Variants in AVL9 observed in about 807,000 individuals in gnomAD.
AVL9 encodes AVL9 cell migration associated.
Under a neutral mutation model 79.2 loss-of-function variants are expected in AVL9, and 49 were observed. The observed-to-expected ratio is 0.62, with a 90% CI of 0.49 to 0.79. AVL9 has a LOEUF of 0.79. AVL9 is among the 30% of genes least tolerant of loss of function. The probability of loss-of-function intolerance (pLI) is 0.00; values close to 1 mark genes in which losing one functional copy is unlikely to be tolerated. For synonymous variants in AVL9, 299 were observed against 280.6 expected (o/e 1.07, Z -0.65); for missense variants, 682 against 776.8 (o/e 0.88, Z 1.45).
At chr7:32,500,504 T>C (rs1210837010) in intron 1 of AVL9, among the ~76,000 whole-genome samples, 2 of 152,168 alleles carry the variant, frequency 1.3e-5, no homozygotes, top group Non-Finnish European at 2.9e-5. Flanking sequence ...GATGGGTAGA[T>C]TGCAAAAATT....
At chr7:32,521,340 T>C (rs1268302071) in intron 1 of AVL9, among the ~76,000 whole-genome samples, 4 of 152,188 alleles carry the variant, frequency 2.6e-5, no homozygotes, top group Admixed American at 1.3e-4. Flanking sequence ...TTGCCCAAAA[T>C]ACTGATAACG....
Position 32,495,784 on chromosome 7 carries a change from C to T in AVL9, c.75C>T (p.His25=). The change falls in exon 1 of 16, where the codon CAC becomes CAT. Residue 25 remains histidine, a synonymous_variant. Coordinates refer to ENST00000318709, the MANE Select transcript of AVL9 (RefSeq NM_015060.3). ...TGCACATCGTGGTGGTCGGATTTCA[C>T]CACAAGAAGGGCTGCCAGGTGAGGA... The part of the protein sequence containing the change: ...PVLHIVVVGF[H]HKKGCQVEFS... 7.9e-7 allele frequency: 1 copy of T among 1,259,522 alleles called. No individual in the cohort carries two copies. The highest frequency in any genetic ancestry group is 1.0e-6 in the Non-Finnish European group (1 of 992,344). The allele number at this position is 1,259,522 out of a possible 1,614,324, so 78.0% of individuals were successfully genotyped here. A position where few individuals can be genotyped will look rare whatever the true frequency, so the allele number is the denominator to read the frequency against.
intron 8 of AVL9, among the ~76,000 whole-genome samples, chr7:32,555,559 A>G (rs1473277034): frequency 2.6e-5 from 4 of 152,214 alleles, no homozygotes; most frequent in Non-Finnish European, 4.4e-5. Flanking sequence ...ATAAAATTTT[A>G]TTGGAAATCA....
At chr7:32,530,347 CTCCAAAACAAATCTG>C (rs1788595386) in intron 1 of AVL9, among the ~76,000 whole-genome samples, 1 of 152,164 alleles carries the variant, frequency 6.6e-6, no homozygotes, top group African/African-American at 2.4e-5. Context: ...TAAAGTAGCT[CTCCAAAACAAATCTG>C]GTATTACTGG....
intron 1 of AVL9, among the ~76,000 whole-genome samples, chr7:32,502,184 GGA>G (rs1052314090): frequency 6.6e-6 from 1 of 151,814 alleles, no homozygotes; most frequent in Non-Finnish European, 1.5e-5. Context: ...GGCAACATAG[GGA>G]GACCTCATCT....
intron 1 of AVL9, among the ~76,000 whole-genome samples, chr7:32,525,871 T>C (rs1027813197): frequency 3.9e-5 from 6 of 152,176 alleles, no homozygotes; most frequent in African/African-American, 1.2e-4. Context: ...TAAAACTGTT[T>C]TTGGGGGGGA....
In AVL9 at chr7:32,558,543, A is replaced by G. The variant is rs1017302355; in HGVS notation, c.610-16A>G. On this transcript the variant is annotated splice_polypyrimidine_tract_variant and intron_variant, in intron 8 of 15. Transcript: ENST00000318709. Reference sequence around the variant, plus strand: ...TCATGGGTCTTCTAATTTGATTTTGATTGACTCCATTCCAGGTTCTTTTTT... The same window carrying G: ...TCATGGGTCTTCTAATTTGATTTTGGTTGACTCCATTCCAGGTTCTTTTTT... 1.3e-6 allele frequency: 2 copies of G among 1,590,994 alleles called. No individual in the cohort carries two copies. The highest frequency in any genetic ancestry group is 1.7e-6 in the Non-Finnish European group (2 of 1,165,668).
intron 1 of AVL9, among the ~76,000 whole-genome samples, chr7:32,514,740 C>G (rs1394804895): frequency 6.6e-6 from 1 of 152,176 alleles, no homozygotes; most frequent in African/African-American, 2.4e-5. Flanking sequence ...GTGACCCCCA[C>G]TCCTACCCGC....
intron 1 of AVL9, among the ~76,000 whole-genome samples, chr7:32,505,631 TA>T (rs1189825594): frequency 6.6e-6 from 1 of 152,194 alleles, no homozygotes; most frequent in African/African-American, 2.4e-5. Flanking sequence ...ATTTAATTAA[TA>T]TGATTTTCTT....
rs1464401461 is a variant in AVL9 at position 32,570,223 on chromosome 7, T to C, written c.1350+69T>C. The C allele has an allele frequency of 3.8e-6, 6 of 1,574,160 alleles. No individual in the cohort carries two copies. The Admixed American group carries it at 5.1e-5, about 13-fold the overall frequency. Reference sequence around the variant, plus strand: ...AGTTTTCCTTTCTTAACTACAATTATGAATACATAGTAACAACATTAGTAA... The same window carrying C: ...AGTTTTCCTTTCTTAACTACAATTACGAATACATAGTAACAACATTAGTAA... On this transcript the variant is annotated intron_variant, in intron 11 of 15. Coordinates refer to ENST00000318709, the MANE Select transcript of AVL9 (RefSeq NM_015060.3).
intron 2 of AVL9, among the ~76,000 whole-genome samples, chr7:32,543,797 A>G (rs986371506): frequency 5.3e-5 from 8 of 152,202 alleles, no homozygotes; most frequent in Admixed American, 2.0e-4. Context: ...TTACCACCCT[A>G]TAACTGAGTA....
chr7:32,544,671 A>G, intron 2 of AVL9, 23 bp from the exon 3 acceptor site: 1 of 1,555,808 alleles, frequency 6.4e-7, no homozygotes. Context: ...CTCACTATTT[A>G]CATTTTTCTA....
chr7:32,506,638 T>C (rs1387208656), intron 1 of AVL9, among the ~76,000 whole-genome samples: 1 of 151,948 alleles, frequency 6.6e-6, no homozygotes, highest in Non-Finnish European at 1.5e-5. Context: ...CTGGGCAAGG[T>C]GCAGTGGCTC....
intron 10 of AVL9, among the ~76,000 whole-genome samples, chr7:32,561,998 A>G (rs1051115333): frequency 1.3e-5 from 2 of 152,214 alleles, no homozygotes; most frequent in Admixed American, 6.5e-5. Context: ...TTTGCTGTCT[A>G]TGTGGGCGTG....
At chr7:32,563,503 A>G (rs1790417602) in intron 10 of AVL9, among the ~76,000 whole-genome samples, 1 of 150,068 alleles carries the variant, frequency 6.7e-6, no homozygotes, top group Non-Finnish European at 1.5e-5. Flanking sequence ...GTGGAGAACC[A>G]ACTGTATTTC....
At chr7:32,575,582 A>G (rs976568015) in intron 12 of AVL9, among the ~76,000 whole-genome samples, 3 of 152,204 alleles carry the variant, frequency 2.0e-5, no homozygotes, top group African/African-American at 7.2e-5. Context: ...TGTGCCATAC[A>G]TATCAATCAG....
At chr7:32,580,297 G>C (rs1791441344) in intron 14 of AVL9, 25 bp downstream of exon 14, 1 of 1,578,044 alleles carries the variant, frequency 6.3e-7, no homozygotes. Context: ...AAAATACTGG[G>C]AAAATTCTTA....
In AVL9 at chr7:32,579,511, AT is replaced by A. The variant is rs1488835745; in HGVS notation, c.1689-706del. 4.6e-3 allele frequency among the ~76,000 whole-genome samples: 46 copies of A among 10,002 alleles called. 8 individuals carry two copies. The highest frequency in any genetic ancestry group is 9.4e-3 in the African/African-American group (20 of 2,130). 6.6% of individuals were successfully genotyped at this position (10,002 alleles called of 152,430 possible). A position where few individuals can be genotyped will look rare whatever the true frequency, so the allele number is the denominator to read the frequency against. ...ATATATTACATATTATATATTATAT[AT>A]TATATTATATATTATATATTATATT... On this transcript the variant is annotated intron_variant, in intron 13 of 15. Transcript: ENST00000318709.
chr7:32,565,495 G>A (rs1790520172), intron 10 of AVL9, among the ~76,000 whole-genome samples: 1 of 149,506 alleles, frequency 6.7e-6, no homozygotes, highest in Non-Finnish European at 1.5e-5. Flanking sequence ...GGAGGCAGAG[G>A]TTGCGATGAG....
Sources: allele counts gnomAD v4.1 joint callset (sites outside exome capture counted in the v4.1 genomes callset), GRCh38; gene constraint gnomAD v4.1.1; transcripts MANE v1.5; gene names NCBI Gene and HGNC (gene_info 2026-07-23, HGNC 2026-07-21).